The following PRAG1 variants were observed in gnomAD, a reference collection of about 807,000 sequenced individuals.
The protein encoded by PRAG1 is inactive tyrosine-protein kinase PRAG1.
PRAG1 carries 110 observed loss-of-function variants against 95.6 expected under a neutral mutation model. The ratio of observed to expected loss-of-function variants is 1.15; its 90% CI spans 0.99 to 1.35. The LOEUF is 1.35. Ranked by LOEUF, PRAG1 falls within the 40% of genes most tolerant of loss-of-function variation. The pLI is 0.00. For missense variants in PRAG1, 2,554 were observed against 1,864.7 expected, an observed-to-expected ratio of 1.37 and a Z score of -6.81; for synonymous variants, 1,052 against 819.4, an observed-to-expected ratio of 1.28 and a Z score of -4.85.
intron 3 of PRAG1, among the ~76,000 whole-genome samples, chr8:8,357,598 A>G (rs1799721689): frequency 6.6e-6 from 1 of 152,244 alleles, no homozygotes; most frequent in African/African-American, 2.4e-5. Context: ...TGGGAATACA[A>G]AATGGTGCAG....
At chr8:8,325,172 A>G (rs1261043077) in intron 5 of PRAG1, among the ~76,000 whole-genome samples, 2 of 152,196 alleles carry the variant, frequency 1.3e-5, no homozygotes, top group Non-Finnish European at 2.9e-5. Context: ...TCTAGACTGG[A>G]GAGCTAATGA....
At chr8:8,359,468 G>T (rs1013871957) in intron 3 of PRAG1, among the ~76,000 whole-genome samples, 5 of 152,150 alleles carry the variant, frequency 3.3e-5, no homozygotes, top group Non-Finnish European at 5.9e-5. Context: ...ATTAGAAATA[G>T]CATTAGGTAC....
chr8:8,318,610 G>GA lies in PRAG1; in HGVS notation c.3764dup (p.Gln1256ProfsTer192). The GA allele has an allele frequency of 1.9e-6, 3 of 1,613,170 alleles. No individual in the cohort carries two copies. The highest frequency in any genetic ancestry group is 2.5e-6 in the Non-Finnish European group (3 of 1,179,902). On this transcript the variant is annotated frameshift_variant, in exon 6 of 6. Transcript: ENST00000615670. LOFTEE classifies it high-confidence loss of function. This position sits in a 1 kb window ranked among gnomAD's most constrained non-coding sequence, Gnocchi z 4.2. ...GCTCGTAGATGAGGATGCCTGTCTGGAACTCATCGAACTTGCGGTACTGGG... is the reference window on the plus strand; with the variant it reads ...GCTCGTAGATGAGGATGCCTGTCTGGAAACTCATCGAACTTGCGGTACTGGG...
intron 4 of PRAG1, among the ~76,000 whole-genome samples, chr8:8,335,855 G>T (rs1798967929): frequency 6.6e-6 from 1 of 152,136 alleles, no homozygotes; most frequent in South Asian, 2.1e-4. Context: ...TATTTCCATT[G>T]CTGAAACTTC....
chr8:8,339,475 T>C lies in PRAG1; in HGVS notation c.2320+3A>G, dbSNP rs1468117809. ...GCCTCTCCGTCAATGTCAAGTTTGT[T>C]ACCTCCATCGCTGCAGGTCCTAGAG... On this transcript the variant is annotated splice_donor_region_variant and intron_variant, in intron 4 of 5. Coordinates refer to ENST00000615670, the MANE Select transcript of PRAG1 (RefSeq NM_001080826.3). 18 of 1,613,460 alleles carry C rather than the reference T, an allele frequency of 1.1e-5. No homozygotes were observed. The highest frequency in any genetic ancestry group is 1.4e-5 in the Non-Finnish European group (17 of 1,179,672).
At chr8:8,344,277 G>A (rs1008181767) in intron 3 of PRAG1, among the ~76,000 whole-genome samples, 8 of 152,050 alleles carry the variant, frequency 5.3e-5, no homozygotes, top group African/African-American at 1.9e-4. Context: ...TCTTTTGGTG[G>A]GATACTTTAT....
At chr8:8,343,203 C>A (rs1474268076) in intron 3 of PRAG1, among the ~76,000 whole-genome samples, 1 of 151,512 alleles carries the variant, frequency 6.6e-6, no homozygotes, top group Non-Finnish European at 1.5e-5. Context: ...CATTTCATAC[C>A]CATCAGATCA....
intron 3 of PRAG1, among the ~76,000 whole-genome samples, chr8:8,350,252 G>A (rs920662224): frequency 2.6e-5 from 4 of 152,174 alleles, no homozygotes; most frequent in Admixed American, 6.5e-5. Context: ...ATCCAGGTGC[G>A]GAGGTTTCAG....
At chr8:8,322,575 G>A (rs535270052) in intron 5 of PRAG1, among the ~76,000 whole-genome samples, 5 of 152,272 alleles carry the variant, frequency 3.3e-5, no homozygotes, top group Admixed American at 1.3e-4. Flanking sequence ...ATGATGGGAA[G>A]GGGGCGCTGG....
At chr8:8,339,923 T>C (rs1186106641) in intron 3 of PRAG1, among the ~76,000 whole-genome samples, 2 of 152,204 alleles carry the variant, frequency 1.3e-5, no homozygotes, top group Non-Finnish European at 2.9e-5. Context: ...TCTGACCCCA[T>C]CTGCCAAAAC....
intron 4 of PRAG1, among the ~76,000 whole-genome samples, chr8:8,330,227 G>A (rs531654516): frequency 5.3e-5 from 8 of 152,264 alleles, no homozygotes; most frequent in Middle Eastern, 3.4e-3. Context: ...TTAGCTGGGC[G>A]TGGTGGTGCA....
At chr8:8,337,817 G>A (rs373762152) in intron 4 of PRAG1, among the ~76,000 whole-genome samples, 3 of 152,032 alleles carry the variant, frequency 2.0e-5, no homozygotes, top group South Asian at 2.1e-4. Flanking sequence ...ACAAACCTCC[G>A]GCAGCTCTCT....
chr8:8,332,928 C>T (rs1400364869), intron 4 of PRAG1, among the ~76,000 whole-genome samples: 1 of 151,144 alleles, frequency 6.6e-6, no homozygotes, highest in Non-Finnish European at 1.5e-5. Flanking sequence ...CTGGATTAGG[C>T]AAGCTGGAAA....
rs1210928564 is a variant in PRAG1 at position 8,377,051 on chromosome 8, T to A, written c.1358A>T (p.Gln453Leu). 1 of 1,614,026 alleles carries A rather than the reference T, an allele frequency of 6.2e-7. No individual in the cohort carries two copies. The highest frequency in any genetic ancestry group is 8.5e-7 in the Non-Finnish European group (1 of 1,180,026). Residue 453 changes from glutamine (Q) to leucine (L), a missense_variant, in exon 3 of 6, where the codon CAG (glutamine) becomes CTG (leucine). Gln to Leu is a moderately radical substitution (Grantham distance 113). Coordinates refer to ENST00000615670, the MANE Select transcript of PRAG1 (RefSeq NM_001080826.3). ...CCGGCCCCAGCCAGATGCTGCTTTC[T>A]GGGCCCAGGCATTACCTGTGCATAC... is the stretch of plus-strand genomic sequence containing the variant. ...GQVCTGNAWA[Q>L]KAASGWGRDS...
chr8:8,365,519 G>T (rs1799970895), intron 3 of PRAG1, among the ~76,000 whole-genome samples: 1 of 152,084 alleles, frequency 6.6e-6, no homozygotes, highest in Non-Finnish European at 1.5e-5. Flanking sequence ...AGCTACTCGG[G>T]AGGCTGAGGC....
At chr8:8,372,159 G>A (rs538660321) in intron 3 of PRAG1, among the ~76,000 whole-genome samples, 1 of 152,118 alleles carries the variant, frequency 6.6e-6, no homozygotes, top group Non-Finnish European at 1.5e-5. Context: ...AAAGCAAAAG[G>A]CAGAAAGCAA....
chr8:8,356,158 G>A (rs1445959962), intron 3 of PRAG1, among the ~76,000 whole-genome samples: 1 of 152,108 alleles, frequency 6.6e-6, no homozygotes, highest in East Asian at 1.9e-4. Context: ...CTCACCAACA[G>A]ATAAATGAAA....
Position 8,376,517 on chromosome 8 carries a change from C to A in PRAG1, c.1892G>T (p.Gly631Val). The change falls in exon 3 of 6, where the codon GGC becomes GTC. Residue 631 changes from glycine (G) to valine (V), a missense_variant. Coordinates refer to ENST00000615670, the MANE Select transcript of PRAG1 (RefSeq NM_001080826.3). ...SEQRRPRFQA[G>V]TWSRQCRIEE... ...TATCCGGCACTGACGACTCCAGGTG[C>A]CTGCCTGGAACCTGGGCCGCCTCTG... The A allele has an allele frequency of 6.2e-7, 1 of 1,610,030 alleles. No homozygotes were observed. The highest frequency in any genetic ancestry group is 1.1e-5 in the South Asian group (1 of 90,756).
At position 8,339,654 on chromosome 8, in the gene PRAG1, A is replaced by G. The variant is rs573825576; in HGVS notation, c.2163-19T>C. The G allele has an allele frequency of 1.7e-5, 27 of 1,600,664 alleles. No individual in the cohort carries two copies. The Admixed American group carries it at 2.3e-4, about 14-fold the overall frequency. On this transcript the variant is annotated intron_variant, in intron 3 of 5. Transcript: ENST00000615670. ...AAGGTGCCTGGAAAAGGTAGGAACA[A>G]ACAATACAAATAACTCATTGGATTT...
Sources: gnomAD v4.1 joint callset for allele counts (sites outside exome capture counted in the v4.1 genomes callset) on GRCh38, gnomAD v4.1.1 for gene constraint, Gnocchi (gnomAD v3.1) non-coding constraint, MANE v1.5 for transcripts, NCBI Gene and HGNC (gene_info 2026-07-23, HGNC 2026-07-21) for gene names.